The following DLGAP2 variants were observed in gnomAD, a reference collection of about 807,000 sequenced individuals.
The protein encoded by DLGAP2 is DLG associated protein 2, also known as disks large-associated protein 2.
DLGAP2 carries 26 observed loss-of-function variants against 100.3 expected under a neutral mutation model. That is an observed-to-expected ratio of 0.26 (90% CI 0.19 to 0.36). The LOEUF is 0.36. DLGAP2 is among the 10% of genes least tolerant of loss of function. The pLI, the probability that DLGAP2 is intolerant of heterozygous loss-of-function variation, is 1.00. For synonymous variants in DLGAP2, 886 were observed against 630.1 expected (o/e 1.41, Z -6.08); for missense variants, 1,858 against 1,453.2 (o/e 1.28, Z -4.53).
In DLGAP2 at chr8:1,701,257, A is replaced by G; in HGVS notation, c.3019A>G (p.Lys1007Glu). Residue 1007 changes from lysine (K) to glutamate (E), a missense_variant, in exon 15 of 15, where the codon AAA becomes GAA. Lys to Glu is a moderately conservative substitution (Grantham distance 56). Coordinates refer to ENST00000637795, the MANE Select transcript of DLGAP2 (RefSeq NM_001346810.2). ...PKGKFPITRE[K>E]SLDLPDRQRQ... ...GGGGAAGTTTCCCATCACAAGAGAAAAATCCCTGGACCTGCCCGACAGACA... is the reference window on the plus strand; with the variant it reads ...GGGGAAGTTTCCCATCACAAGAGAAGAATCCCTGGACCTGCCCGACAGACA... The G allele has an allele frequency of 6.3e-7, 1 of 1,581,478 alleles. No homozygotes were observed. Among genetic ancestry groups the G allele is most frequent in the Non-Finnish European group, 8.6e-7 (1 of 1,164,456 alleles).
At chr8:1,317,752 G>A (rs532755032) in intron 3 of DLGAP2, among the ~76,000 whole-genome samples, 1 of 98,138 alleles carries the variant, frequency 1.0e-5, no homozygotes, top group Non-Finnish European at 2.0e-5. Flanking sequence ...TGAGTGCAGC[G>A]TCTCTCCAAC....
chr8:1,602,651 C>G (rs1016322115), intron 6 of DLGAP2, among the ~76,000 whole-genome samples: 26 of 152,224 alleles, frequency 1.7e-4, no homozygotes, highest in Non-Finnish European at 7.3e-5. Flanking sequence ...TCAGAGACCA[C>G]CAAGGCAGCA....
chr8:1,633,141 C>A (rs1038070919), intron 8 of DLGAP2, 95 bp downstream of exon 8: 30 of 1,170,776 alleles, frequency 2.6e-5, no homozygotes, highest in Non-Finnish European at 3.0e-5. Flanking sequence ...CACCACAGTA[C>A]AATGTACTCT....
At chr8:1,417,005 T>G (rs1796905714) in intron 3 of DLGAP2, among the ~76,000 whole-genome samples, 1 of 110,834 alleles carries the variant, frequency 9.0e-6, no homozygotes, top group South Asian at 2.9e-4. Flanking sequence ...GGCTCAGGGG[T>G]CCCCGTCACT....
At chr8:1,204,767 G>GA (rs929416260) in intron 2 of DLGAP2, among the ~76,000 whole-genome samples, 8 of 151,754 alleles carry the variant, frequency 5.3e-5, no homozygotes, top group Admixed American at 5.2e-4. Flanking sequence ...GAAGAGGGAA[G>GA]AAAAAATCTG....
chr8:1,329,842 A>G (rs1281077760), intron 3 of DLGAP2, among the ~76,000 whole-genome samples: 1 of 152,146 alleles, frequency 6.6e-6, no homozygotes, highest in Non-Finnish European at 1.5e-5. Flanking sequence ...CTCATACCAA[A>G]CAGGCCTAGG....
At chr8:1,423,844 A>G (rs1797169124) in intron 3 of DLGAP2, among the ~76,000 whole-genome samples, 1 of 152,236 alleles carries the variant, frequency 6.6e-6, no homozygotes, top group African/African-American at 2.4e-5. Context: ...CCCTCTTTCA[A>G]ATGACACTTG....
chr8:801,995 T>A, intron 1 of DLGAP2, among the ~76,000 whole-genome samples: 1 of 144,308 alleles, frequency 6.9e-6, no homozygotes, highest in East Asian at 2.0e-4. Flanking sequence ...TCCTCTGTCC[T>A]CACAGCCTGA....
chr8:1,516,501 G>A (rs529531025), intron 4 of DLGAP2, among the ~76,000 whole-genome samples: 15 of 151,286 alleles, frequency 9.9e-5, no homozygotes, highest in Admixed American at 4.6e-4. Context: ...ATGAATGAGT[G>A]AGTGAATGAG....
chr8:888,718 G>C (rs1220051301), intron 1 of DLGAP2, among the ~76,000 whole-genome samples: 3 of 151,932 alleles, frequency 2.0e-5, no homozygotes, highest in Admixed American at 2.0e-4. Context: ...ATGTCACTCA[G>C]GGAGGCTGGA....
intron 2 of DLGAP2, among the ~76,000 whole-genome samples, chr8:1,208,424 G>C (rs988922335): frequency 6.6e-6 from 1 of 152,174 alleles, no homozygotes; most frequent in Non-Finnish European, 1.5e-5. Flanking sequence ...AGAAAATCCA[G>C]CATCACTTTA....
At chr8:1,449,802 C>T (rs1177137974) in intron 3 of DLGAP2, among the ~76,000 whole-genome samples, 6 of 94,836 alleles carry the variant, frequency 6.3e-5, no homozygotes, top group Non-Finnish European at 1.4e-4. Flanking sequence ...ACTGGGCTGC[C>T]GTGAAGACGA....
chr8:930,430 A>G (rs1798929271), intron 2 of DLGAP2, among the ~76,000 whole-genome samples: 1 of 152,266 alleles, frequency 6.6e-6, no homozygotes, highest in Admixed American at 6.5e-5. Context: ...GACTCCAGGC[A>G]CACACAGCAT....
chr8:1,025,382 G>T (rs1349460820), intron 2 of DLGAP2, among the ~76,000 whole-genome samples: 1 of 152,118 alleles, frequency 6.6e-6, no homozygotes, highest in Admixed American at 6.5e-5. Context: ...ACTTAACTGA[G>T]CCCGGCATTG....
intron 3 of DLGAP2, among the ~76,000 whole-genome samples, chr8:1,265,339 T>C (rs1367976614): frequency 1.3e-5 from 2 of 152,142 alleles, no homozygotes; most frequent in Non-Finnish European, 2.9e-5. Flanking sequence ...TATATTATTA[T>C]AAAGTAGATT....
chr8:1,190,292 C>T (rs192651439), intron 2 of DLGAP2, among the ~76,000 whole-genome samples: 1 of 152,192 alleles, frequency 6.6e-6, no homozygotes, highest in African/African-American at 2.4e-5. Context: ...CCAACGTGCC[C>T]TCCATCTCCT....
chr8:1,652,719 C>G (rs1798195081), intron 8 of DLGAP2, among the ~76,000 whole-genome samples: 1 of 152,210 alleles, frequency 6.6e-6, no homozygotes, highest in African/African-American at 2.4e-5. Context: ...TTTGCATCGT[C>G]TGTTTCTGTC....
Position 1,704,914 on chromosome 8 carries a change from T to G in DLGAP2, c.*3508T>G, listed in dbSNP as rs1045733887. ...GTGCACAGGTTCTGATTATTTCTCT[T>G]GGAGCATATGTCCTTGTCTTGATTT... is the stretch of plus-strand genomic sequence containing the variant. On this transcript the variant is annotated 3_prime_UTR_variant, in exon 15 of 15. Coordinates refer to ENST00000637795, the MANE Select transcript of DLGAP2 (RefSeq NM_001346810.2). 2.6e-5 allele frequency: 4 copies of G among 152,226 alleles called. No individual in the cohort carries two copies. Among genetic ancestry groups the G allele is most frequent in the African/African-American group, 9.6e-5 (4 of 41,464 alleles). 9.4% of individuals were successfully genotyped at this position (152,226 alleles called of 1,614,324 possible).
rs73673049 is a variant in DLGAP2 at position 1,012,777 on chromosome 8, C to A, written c.73+104811C>A. ...TGTGGACACCCTCCGACCAGCCCCC[C>A]ACTTCAGCGGCAGTGTGGACACCCT... On this transcript the variant is annotated intron_variant, in intron 2 of 14. Coordinates refer to ENST00000637795, the MANE Select transcript of DLGAP2 (RefSeq NM_001346810.2). 1.7e-3 allele frequency among the ~76,000 whole-genome samples: 243 copies of A among 147,106 alleles called. 2 individuals carry two copies. The highest frequency in any genetic ancestry group is 6.0e-3 in the African/African-American group (235 of 39,300).
Sources: allele counts gnomAD v4.1 joint callset (sites outside exome capture counted in the v4.1 genomes callset), GRCh38; gene constraint gnomAD v4.1.1; transcripts MANE v1.5; gene names NCBI Gene and HGNC (gene_info 2026-07-23, HGNC 2026-07-21).